DRC1: variants seen among roughly 807,000 people sequenced by gnomAD.
DRC1 encodes the protein dynein regulatory complex protein 1.
DRC1 carries 74 observed loss-of-function variants against 98.7 expected under a neutral mutation model. The ratio of observed to expected loss-of-function variants is 0.75; its 90% confidence interval spans 0.62 to 0.91. The LOEUF (loss-of-function observed/expected upper bound fraction) is 0.91, where lower values mean the gene tolerates loss of function less well. DRC1 is among the 40% of genes least tolerant of loss of function. The probability of loss-of-function intolerance (pLI) is 0.00; values close to 1 mark genes in which losing one functional copy is unlikely to be tolerated. For synonymous variants in DRC1, 336 were observed against 334.1 expected (o/e 1.01, Z -0.06); for missense variants, 875 against 886.0 (o/e 0.99, Z 0.16).
intron 4 of DRC1, among the ~76,000 whole-genome samples, chr2:26,425,627 C>T (rs575654742): frequency 3.6e-4 from 54 of 152,060 alleles, no homozygotes; most frequent in African/African-American, 1.3e-3. Context: ...TGGTGTGAGG[C>T]GATATCTCAT....
chr2:26,455,532 T>A (rs190181835), intron 16 of DRC1, among the ~76,000 whole-genome samples: 6 of 152,244 alleles, frequency 3.9e-5, no homozygotes, highest in African/African-American at 9.6e-5. Context: ...CAGGAGCAGC[T>A]CCCCAGCTAC....
chr2:26,409,905 CAA>C (rs1163819169), intron 1 of DRC1, among the ~76,000 whole-genome samples: 1 of 150,492 alleles, frequency 6.6e-6, no homozygotes, highest in Non-Finnish European at 1.5e-5. Context: ...TGAAAATTAA[CAA>C]AGAGAAAAAA....
At chr2:26,405,629 GTTT>G (rs924522712) in intron 1 of DRC1, among the ~76,000 whole-genome samples, 8 of 63,262 alleles carry the variant, frequency 1.3e-4, no homozygotes, top group Admixed American at 9.7e-4. Flanking sequence ...TGGTGGTCTT[GTTT>G]TTTTTTTTTA....
intron 4 of DRC1, among the ~76,000 whole-genome samples, chr2:26,426,370 AT>A (rs778327054): frequency 0.026 from 3,574 of 137,994 alleles, 121 homozygotes; most frequent in African/African-American, 0.08. Flanking sequence ...GTTTTTGTTT[AT>A]TTTTTTTTTT....
At chr2:26,417,472 G>T (rs902799632) in intron 2 of DRC1, among the ~76,000 whole-genome samples, 15 of 152,100 alleles carry the variant, frequency 9.9e-5, no homozygotes, top group African/African-American at 3.4e-4. Context: ...GAGATTACAG[G>T]CATGTGCCAC....
intron 7 of DRC1, among the ~76,000 whole-genome samples, chr2:26,436,143 T>C: frequency 6.6e-6 from 1 of 152,078 alleles, no homozygotes; most frequent in Non-Finnish European, 1.5e-5. Context: ...TTTTTTTCAC[T>C]TTTTAATAAT....
intron 2 of DRC1, among the ~76,000 whole-genome samples, chr2:26,415,473 T>TA (rs1678767472): frequency 6.6e-6 from 1 of 152,114 alleles, no homozygotes; most frequent in South Asian, 2.1e-4. Flanking sequence ...TTATAGAGCA[T>TA]AGAGGTATAG....
chr2:26,437,703 T>C (rs569072122), intron 7 of DRC1, among the ~76,000 whole-genome samples: 1 of 152,216 alleles, frequency 6.6e-6, no homozygotes, highest in South Asian at 2.1e-4. Flanking sequence ...ATTAAAAGTA[T>C]ATATAACTAT....
At chr2:26,425,852 C>G (rs902034321) in intron 4 of DRC1, among the ~76,000 whole-genome samples, 5 of 151,884 alleles carry the variant, frequency 3.3e-5, no homozygotes, top group African/African-American at 1.2e-4. Flanking sequence ...TTTCCTATTC[C>G]GTATATTGCC....
intron 8 of DRC1, among the ~76,000 whole-genome samples, chr2:26,442,740 A>G (rs1663749261): frequency 1.3e-5 from 2 of 152,180 alleles, no homozygotes; most frequent in Non-Finnish European, 2.9e-5. Flanking sequence ...TTCTGAAACC[A>G]GACTTGCCTC....
At chr2:26,424,243 G>T in intron 3 of DRC1, 28 bp from the exon 4 acceptor site, 1 of 1,612,688 alleles carries the variant, frequency 6.2e-7, no homozygotes. Context: ...GAGCTGGGTT[G>T]GCATGGCTGG....
Position 26,444,602 on chromosome 2 carries a change from C to A in DRC1, c.1164-114C>A. On this transcript the variant is annotated intron_variant, in intron 9 of 16. Coordinates refer to ENST00000288710, the MANE Select transcript of DRC1 (RefSeq NM_145038.5). Reference sequence around the variant, plus strand: ...GGGAATCAGCCGCCCAGGGATGGGGCCAGGCCCAGGAATTAGCACAGCTCC... The same window carrying A: ...GGGAATCAGCCGCCCAGGGATGGGGACAGGCCCAGGAATTAGCACAGCTCC... 4 of 1,127,632 alleles carry A rather than the reference C, an allele frequency of 3.5e-6. No individual in the cohort carries two copies. The East Asian group carries it at 1.0e-4, about 29-fold the overall frequency. The allele number at this position is 1,127,632 out of a possible 1,614,324, so 69.9% of individuals were successfully genotyped here. A position where few individuals can be genotyped will look rare whatever the true frequency, so the allele number is the denominator to read the frequency against.
chr2:26,446,224 G>A (rs1187269173), intron 10 of DRC1, among the ~76,000 whole-genome samples: 2 of 151,356 alleles, frequency 1.3e-5, no homozygotes, highest in African/African-American at 4.9e-5. Context: ...TGCCTCCCGA[G>A]TAGCTGGGAC....
intron 16 of DRC1, 95 bp downstream of exon 16, chr2:26,455,328 G>A (rs115208541): frequency 2.9e-5 from 34 of 1,166,942 alleles, no homozygotes; most frequent in African/African-American, 1.2e-4. Context: ...TCCCCTCCCC[G>A]TCAGAGGCAA....
intron 1 of DRC1, among the ~76,000 whole-genome samples, chr2:26,412,624 A>G (rs1344181105): frequency 6.6e-6 from 1 of 152,184 alleles, no homozygotes; most frequent in African/African-American, 2.4e-5. Context: ...AGACAAGCAC[A>G]CACACATGCA....
At position 26,454,589 on chromosome 2, in the gene DRC1, C is replaced by A; in HGVS notation, c.1920-58C>A. ...AGCAGTAGGCCTGTGACTGGCACTG[C>A]CTGGGGGCCTGGGTAGTACCCAATG... On this transcript the variant is annotated intron_variant, in intron 14 of 16. Transcript: ENST00000288710. The surrounding 1 kb of genome is among the most constrained non-coding windows in gnomAD (Gnocchi z 5.2). 6.3e-7 allele frequency: 1 copy of A among 1,597,356 alleles called. No individual in the cohort carries two copies. The highest frequency in any genetic ancestry group is 8.5e-7 in the Non-Finnish European group (1 of 1,170,188).
chr2:26,415,196 C>T (rs1678757329), intron 2 of DRC1, among the ~76,000 whole-genome samples: 2 of 152,110 alleles, frequency 1.3e-5, no homozygotes. Context: ...GATGAAACAG[C>T]CCCTGGGATG....
intron 10 of DRC1, among the ~76,000 whole-genome samples, chr2:26,446,696 C>A (rs1391844894): frequency 2.0e-5 from 3 of 152,152 alleles, no homozygotes; most frequent in African/African-American, 7.2e-5. Context: ...ATCAGCCCTG[C>A]CACCAACAAA....
intron 10 of DRC1, among the ~76,000 whole-genome samples, chr2:26,445,719 C>T (rs549304844): frequency 2.8e-4 from 42 of 152,046 alleles, no homozygotes; most frequent in African/African-American, 4.8e-5. Flanking sequence ...ATTGCAGTGG[C>T]GCGATCTGGG....
Sources: gnomAD v4.1 joint callset for allele counts (sites outside exome capture counted in the v4.1 genomes callset) on GRCh38, gnomAD v4.1.1 for gene constraint, Gnocchi (gnomAD v3.1) non-coding constraint, MANE v1.5 for transcripts, NCBI Gene and HGNC (gene_info 2026-07-23, HGNC 2026-07-21) for gene names.